Variants in ALG13 observed in about 807,000 individuals in gnomAD.
ALG13 encodes UDP-N-acetylglucosamine transferase subunit ALG13.
In ALG13, 11 loss-of-function variants were observed where a neutral mutation model predicts 87.8. The ratio of observed to expected loss-of-function variants is 0.13; its 90% confidence interval spans 0.08 to 0.21. The LOEUF (loss-of-function observed/expected upper bound fraction) is 0.21. Among genes scored for constraint, ALG13 ranks in the 10% least tolerant of loss-of-function variants. The pLI, the probability that ALG13 is intolerant of heterozygous loss-of-function variation, is 1.00. For synonymous variants in ALG13, 320 were observed against 306.3 expected (o/e 1.04, Z -0.47); for missense variants, 756 against 866.1 (o/e 0.87, Z 1.60).
At chrX:111,686,724 C>G (rs757705058) in intron 3 of ALG13, among the ~76,000 whole-genome samples, 2 of 112,086 alleles carry the variant, frequency 1.8e-5, no homozygotes, top group East Asian at 5.6e-4. Flanking sequence ...TATTTTCATT[C>G]TAAATGTTAA....
chrX:111,735,920 T>C (rs746164173), intron 22 of ALG13, among the ~76,000 whole-genome samples: 1 of 110,042 alleles, frequency 9.1e-6, no homozygotes, highest in East Asian at 2.9e-4. Flanking sequence ...AATAGTTTAT[T>C]CTCTTAAGGA....
At chrX:111,683,983 A>T (rs1361029498) in intron 2 of ALG13, among the ~76,000 whole-genome samples, 4 of 111,885 alleles carry the variant, frequency 3.6e-5, no homozygotes, top group Non-Finnish European at 5.6e-5. Context: ...ATTCAAGGCC[A>T]TGCCCAAAGC....
At chrX:111,723,011 G>A (rs1202952128) in intron 13 of ALG13, among the ~76,000 whole-genome samples, 154 bp downstream of exon 13, 3 of 110,844 alleles carry the variant, frequency 2.7e-5, no homozygotes, top group Admixed American at 9.6e-5. Flanking sequence ...CTGGAGTGTA[G>A]TGGCATGATC....
chrX:111,681,695 G>C, intron 1 of ALG13: 3 of 845,688 alleles, frequency 3.5e-6, no homozygotes, highest in Non-Finnish European at 4.3e-6. Context: ...GCACGTCGGC[G>C]CCGGCGTCTG....
Position 111,682,143 on chromosome X carries a change from C to T in ALG13, c.93C>T (p.Ser31=). 8.5e-7 allele frequency: 1 copy of T among 1,181,449 alleles called. No homozygotes were observed. ...ATTTCCTCTTTCAGAAAATCGAGAG[C>T]CTTGGTTACAACCGACTTATCCTGC... The part of the protein sequence containing the change: ...SAPDSLQKIE[S]LGYNRLILQI... Residue 31 remains serine (S), a synonymous_variant, in exon 2 of 27, where the codon AGC becomes AGT. Coordinates refer to ENST00000394780, the MANE Select transcript of ALG13 (RefSeq NM_001099922.3).
At chrX:111,759,700 A>G (rs756939493) in intron 26 of ALG13, 34 bp from the exon 27 acceptor site, 33 of 1,146,661 alleles carry the variant, frequency 2.9e-5, no homozygotes, top group Non-Finnish European at 3.9e-5. Flanking sequence ...GAATTTTTGT[A>G]TATAAAGTAG....
chrX:111,750,917 C>T (rs1944676250), intron 24 of ALG13, among the ~76,000 whole-genome samples: 2 of 110,083 alleles, frequency 1.8e-5, no homozygotes, highest in South Asian at 7.8e-4. Flanking sequence ...GGTTCGCCTG[C>T]CTTGGCCTCC....
In ALG13 at chrX:111,739,088, A is replaced by G. The variant is rs562099874; in HGVS notation, c.2695+2209A>G. Among the ~76,000 whole-genome samples, 4 of 111,761 alleles carry G rather than the reference A, an allele frequency of 3.6e-5. No individual in the cohort carries two copies. The South Asian group carries it at 1.5e-3, about 42-fold the overall frequency. ...AATGCCTGAGACTGGGTAATATATA[A>G]AAGAAAGAGGTTTAATTTACTCACA... On this transcript the variant is annotated intron_variant, in intron 23 of 26. Coordinates refer to ENST00000394780, the MANE Select transcript of ALG13 (RefSeq NM_001099922.3).
Position 111,711,722 on chromosome X carries a change from C to T in ALG13, c.882C>T (p.Pro294=). Residue 294 remains proline (P), a synonymous_variant, in exon 6 of 27, where the codon CCC becomes CCT. Transcript: ENST00000394780. ...FEKYLERLGD[P]KESAGQLEIR... ...AATACCTGGAACGGTTGGGAGATCCCAAGGTAAGATCAAATATGGGGGTTT... is the reference window on the plus strand; with the variant it reads ...AATACCTGGAACGGTTGGGAGATCCTAAGGTAAGATCAAATATGGGGGTTT... The T allele has an allele frequency of 8.3e-7, 1 of 1,204,019 alleles. No individual in the cohort carries two copies. Among genetic ancestry groups the T allele is most frequent in the Middle Eastern group, 2.4e-4 (1 of 4,184 alleles).
At chrX:111,751,421 G>A (rs1327255593) in intron 24 of ALG13, among the ~76,000 whole-genome samples, 2 of 111,915 alleles carry the variant, frequency 1.8e-5, no homozygotes, top group Admixed American at 1.9e-4. Flanking sequence ...AAAAATTGGT[G>A]TGACTCACTT....
intron 8 of ALG13, among the ~76,000 whole-genome samples, chrX:111,713,746 T>C (rs1039811811): frequency 8.9e-6 from 1 of 111,930 alleles, no homozygotes; most frequent in Admixed American, 9.5e-5. Context: ...TCCCAAGTAA[T>C]TGTAGTGTTT....
At chrX:111,694,477 A>T (rs1602561344) in intron 3 of ALG13, among the ~76,000 whole-genome samples, 1 of 112,784 alleles carries the variant, frequency 8.9e-6, no homozygotes, top group Non-Finnish European at 1.9e-5. Context: ...CCATAATGTC[A>T]TATAGTGTCT....
intron 3 of ALG13, among the ~76,000 whole-genome samples, chrX:111,702,561 C>T (rs1304778659): frequency 1.8e-5 from 2 of 111,616 alleles, no homozygotes; most frequent in Admixed American, 9.5e-5. Context: ...TCAAACACAT[C>T]GGGTTATCTA....
In ALG13 at chrX:111,720,166, C is replaced by T. The variant is rs777106724; in HGVS notation, c.1322C>T (p.Thr441Ile). 8.6e-7 allele frequency: 1 copy of T among 1,168,369 alleles called. No homozygotes were observed. Among genetic ancestry groups the T allele is most frequent in the South Asian group, 2.0e-5 (1 of 50,068 alleles). ...GGCTACAATAAAGGAACAGAAGAAA[C>T]AAAGGTTTGATATTTTCTAAGGCAA... Reference protein sequence around the residue: ...PEGYNKGTEETKSPENPSKMP... With the variant: ...PEGYNKGTEEIKSPENPSKMP... Residue 441 changes from threonine (T) to isoleucine (I), a missense_variant, in exon 11 of 27, where the codon ACA (threonine) becomes ATA (isoleucine). By Grantham distance (89) the Thr-to-Ile change is moderately conservative. Around this residue, in one of 9 missense-constraint regions of ALG13, gnomAD observed 3 missense variants for 26.1 expected, o/e 0.11. Coordinates refer to ENST00000394780, the MANE Select transcript of ALG13 (RefSeq NM_001099922.3).
chrX:111,739,692 A>T (rs773294944), intron 23 of ALG13, among the ~76,000 whole-genome samples: 7 of 112,803 alleles, frequency 6.2e-5, no homozygotes, highest in African/African-American at 2.3e-4. Flanking sequence ...ACAAAGGGCA[A>T]CATGTGAGAA....
intron 3 of ALG13, among the ~76,000 whole-genome samples, chrX:111,705,365 T>G (rs1354761734): frequency 8.9e-6 from 1 of 112,094 alleles, no homozygotes; most frequent in Non-Finnish European, 1.9e-5. Context: ...CTTTATATAT[T>G]TTGGTACAAA....
intron 3 of ALG13, among the ~76,000 whole-genome samples, chrX:111,695,415 C>G (rs1187464134): frequency 9.2e-6 from 1 of 109,114 alleles, no homozygotes; most frequent in Non-Finnish European, 1.9e-5. Context: ...CCCAGTCGCT[C>G]AGGAGGCTGA....
At position 111,760,263 on chromosome X, in the gene ALG13, C is replaced by A; in HGVS notation, c.*264C>A. 1 of 303,681 alleles carries A rather than the reference C, an allele frequency of 3.3e-6. No individual in the cohort carries two copies. The highest frequency in any genetic ancestry group is 1.0e-4 in the South Asian group (1 of 9,530). The allele number at this position is 303,681 out of a possible 1,213,427, so 25.0% of individuals were successfully genotyped here. A position where few individuals can be genotyped will look rare whatever the true frequency, so the allele number is the denominator to read the frequency against. Reference sequence around the variant, plus strand: ...TTGTATTCAGCTGTTTTCCTGTCAGCCATTTGTCAGCTTTATATTAGCTGA... The same window carrying A: ...TTGTATTCAGCTGTTTTCCTGTCAGACATTTGTCAGCTTTATATTAGCTGA... On this transcript the variant is annotated 3_prime_UTR_variant, in exon 27 of 27. Coordinates refer to ENST00000394780, the MANE Select transcript of ALG13 (RefSeq NM_001099922.3).
chrX:111,700,077 A>G (rs1261319098), intron 3 of ALG13, among the ~76,000 whole-genome samples: 2 of 49,116 alleles, frequency 4.1e-5, no homozygotes, highest in Admixed American at 2.3e-4. Flanking sequence ...TGAGTGTTTT[A>G]TAGTTTTCAG....
Sources: allele counts gnomAD v4.1 joint callset (sites outside exome capture counted in the v4.1 genomes callset), GRCh38; gene constraint gnomAD v4.1.1; regional missense constraint gnomAD v4.1.1; transcripts MANE v1.5; gene names NCBI Gene and HGNC (gene_info 2026-07-23, HGNC 2026-07-21).